Variants in GRB10 observed in about 807,000 individuals in gnomAD.
GRB10 encodes the protein growth factor receptor bound protein 10.
In GRB10, 20 loss-of-function variants were observed where a neutral mutation model predicts 80.9. The observed-to-expected ratio is 0.25, with a 90% CI of 0.17 to 0.36. The LOEUF is 0.36. Among genes scored for constraint, GRB10 ranks in the 10% least tolerant of loss-of-function variants. The pLI is 1.00. For synonymous variants in GRB10, 291 were observed against 291.5 expected (o/e 1.00, Z 0.02); for missense variants, 548 against 747.7 (o/e 0.73, Z 3.12).
At chr7:50,657,049 G>A (rs1563317851) in intron 7 of GRB10, among the ~76,000 whole-genome samples, 1 of 152,078 alleles carries the variant, frequency 6.6e-6, no homozygotes, top group African/African-American at 2.4e-5. Context: ...GGCACAAATC[G>A]GTACTCATCA....
intron 16 of GRB10, 107 bp from the exon 17 acceptor site, chr7:50,604,192 C>T: frequency 7.7e-7 from 1 of 1,297,664 alleles, no homozygotes; most frequent in Non-Finnish European, 1.1e-6. Context: ...ACTCCCCCAG[C>T]TACAGCTTGT....
chr7:50,613,566 C>G (rs1585683699), intron 12 of GRB10, among the ~76,000 whole-genome samples: 1 of 152,196 alleles, frequency 6.6e-6, no homozygotes, highest in African/African-American at 2.4e-5. Flanking sequence ...CACACCCCAG[C>G]TCTCCCTCCC....
intron 9 of GRB10, among the ~76,000 whole-genome samples, chr7:50,618,787 C>T (rs575893681): frequency 3.3e-5 from 5 of 152,344 alleles, no homozygotes; most frequent in South Asian, 2.1e-4. Context: ...CATTCTTCCA[C>T]GTATGATCAC....
At chr7:50,607,830 T>C (rs1004945230) in intron 13 of GRB10, among the ~76,000 whole-genome samples, 1 of 152,096 alleles carries the variant, frequency 6.6e-6, no homozygotes. Context: ...ACATCCAGCA[T>C]CCCAACCTAC....
At chr7:50,685,567 G>A (rs1363582148) in intron 5 of GRB10, among the ~76,000 whole-genome samples, 2 of 152,198 alleles carry the variant, frequency 1.3e-5, no homozygotes, top group East Asian at 1.9e-4. Context: ...GTCGAGTACA[G>A]TGTGCGTCCT....
At chr7:50,760,212 TACATGCAC>T (rs1192884166) in intron 2 of GRB10, among the ~76,000 whole-genome samples, 5 of 152,184 alleles carry the variant, frequency 3.3e-5, no homozygotes, top group Non-Finnish European at 7.3e-5. Flanking sequence ...AGGATAAATA[TACATGCAC>T]ACATGCACAG....
At chr7:50,682,487 G>T (rs2153650157) in intron 5 of GRB10, among the ~76,000 whole-genome samples, 1 of 152,350 alleles carries the variant, frequency 6.6e-6, no homozygotes, top group South Asian at 2.1e-4. Flanking sequence ...AACCGTATTT[G>T]AAAATCAATG....
intron 5 of GRB10, among the ~76,000 whole-genome samples, chr7:50,702,099 G>A (rs1319919401): frequency 2.0e-5 from 3 of 152,228 alleles, no homozygotes; most frequent in Non-Finnish European, 4.4e-5. Flanking sequence ...GCTGCCTCAT[G>A]GAAGACTGCA....
At chr7:50,622,967 T>C (rs2052128499) in intron 8 of GRB10, among the ~76,000 whole-genome samples, 2 of 152,170 alleles carry the variant, frequency 1.3e-5, no homozygotes, top group South Asian at 4.1e-4. Context: ...AAAATATCTT[T>C]TAAAATATAA....
chr7:50,762,182 T>A (rs894768787), intron 2 of GRB10, among the ~76,000 whole-genome samples: 65 of 151,866 alleles, frequency 4.3e-4, no homozygotes, highest in African/African-American at 1.5e-3. Context: ...TTTAGTAAGA[T>A]TGCGATCCCA....
rs1328853180 is a variant in GRB10 at position 50,626,893 on chromosome 7, A to T, written c.590T>A (p.Leu197Gln). 1 of 1,614,172 alleles carries T rather than the reference A, an allele frequency of 6.2e-7. No individual in the cohort carries two copies. The highest frequency in any genetic ancestry group is 1.7e-5 in the Admixed American group (1 of 60,018). The change falls in exon 8 of 19, where the codon CTG becomes CAG. Residue 197 changes from leucine (L) to glutamine (Q), a missense_variant. Physicochemically the swap from Leu to Gln is moderately radical, Grantham distance 113. Around this residue, in one of 4 missense-constraint regions of GRB10, gnomAD observed 270 missense variants for 433.6 expected, o/e 0.62. Coordinates refer to ENST00000401949, the MANE Select transcript of GRB10 (RefSeq NM_001350814.2). ...DMTARDLCQL[L>Q]VYKSHCVDDN... ...ATCCACACAGTGACTTTTGTAAACC[A>T]GCAATTGGCACAGGTCTCTGGCTGT...
intron 3 of GRB10, among the ~76,000 whole-genome samples, chr7:50,734,358 C>T (rs1160339645): frequency 6.6e-6 from 1 of 152,182 alleles, no homozygotes; most frequent in Non-Finnish European, 1.5e-5. Flanking sequence ...GTTTCTCTCC[C>T]CTTCGCCCAC....
chr7:50,673,022 C>T (rs182336972), intron 6 of GRB10, among the ~76,000 whole-genome samples: 3 of 152,322 alleles, frequency 2.0e-5, no homozygotes, highest in African/African-American at 7.2e-5. Flanking sequence ...GGCCGCTGCA[C>T]CCTCTCCCCT....
chr7:50,751,258 A>G (rs1456263335), intron 3 of GRB10, among the ~76,000 whole-genome samples: 1 of 152,194 alleles, frequency 6.6e-6, no homozygotes, highest in Non-Finnish European at 1.5e-5. Context: ...GGAAAAAAGG[A>G]AGGACACTGC....
intron 2 of GRB10, among the ~76,000 whole-genome samples, chr7:50,759,215 G>T (rs948957181): frequency 7.0e-5 from 10 of 141,860 alleles, no homozygotes; most frequent in Admixed American, 2.1e-4. Context: ...AAAAAGAAAA[G>T]AAATGCCAAA....
At chr7:50,751,878 T>C (rs897057331) in intron 3 of GRB10, among the ~76,000 whole-genome samples, 2 of 152,250 alleles carry the variant, frequency 1.3e-5, no homozygotes, top group Non-Finnish European at 2.9e-5. Context: ...TGGTGAGTCT[T>C]TGGCCCTAGG....
In GRB10 at chr7:50,782,248, CCCGCGGCAGGCGGGCAGGGGG is replaced by C. The variant is rs919496437; in HGVS notation, c.-327+155_-327+175del. 2.6e-5 allele frequency among the ~76,000 whole-genome samples: 4 copies of C among 151,838 alleles called. No individual in the cohort carries two copies. The highest frequency in any genetic ancestry group is 5.9e-5 in the Non-Finnish European group (4 of 67,904). On this transcript the variant is annotated intron_variant, in intron 1 of 18. Coordinates refer to ENST00000401949, the MANE Select transcript of GRB10 (RefSeq NM_001350814.2). The surrounding 1 kb of genome is among the most constrained non-coding windows in gnomAD (Gnocchi z 6.6). ...GCTCGGGATCTCGGACTGCAGCGAG[CCCGCGGCAGGCGGGCAGGGGG>C]CCGCGCGGCAAGACCTCCCCGCCTC... is the stretch of plus-strand genomic sequence containing the variant.
chr7:50,613,995 G>A (rs1322791980), intron 12 of GRB10, among the ~76,000 whole-genome samples: 2 of 152,156 alleles, frequency 1.3e-5, no homozygotes, highest in Non-Finnish European at 2.9e-5. Context: ...AAGGGGCTGT[G>A]AAGATTAAGA....
intron 3 of GRB10, among the ~76,000 whole-genome samples, chr7:50,735,657 A>C (rs1240911186): frequency 6.6e-6 from 1 of 152,232 alleles, no homozygotes; most frequent in African/African-American, 2.4e-5. Context: ...AGTTTATGAA[A>C]ATCTTACCTT....
Sources: allele counts gnomAD v4.1 joint callset (sites outside exome capture counted in the v4.1 genomes callset), GRCh38; gene constraint gnomAD v4.1.1; regional missense constraint gnomAD v4.1.1; non-coding constraint Gnocchi (gnomAD v3.1); transcripts MANE v1.5; gene names NCBI Gene and HGNC (gene_info 2026-07-23, HGNC 2026-07-21).